The following COLEC12 variants were observed in gnomAD, a reference collection of about 807,000 sequenced individuals.
COLEC12 encodes the protein collectin subfamily member 12.
A neutral mutation model predicts 71.1 loss-of-function variants in COLEC12; 33 were observed. The ratio of observed to expected loss-of-function variants is 0.46; its 90% CI spans 0.35 to 0.62. The LOEUF (loss-of-function observed/expected upper bound fraction) is 0.62. Ranked by LOEUF, COLEC12 falls within the 20% of genes least tolerant of loss-of-function variation. The probability of loss-of-function intolerance (pLI) is 0.00; values close to 1 mark genes in which losing one functional copy is unlikely to be tolerated. For synonymous variants in COLEC12, 350 were observed against 353.0 expected (o/e 0.99, Z 0.10); for missense variants, 765 against 916.1 (o/e 0.84, Z 2.13).
intron 2 of COLEC12, among the ~76,000 whole-genome samples, chr18:378,485 C>A (rs1369163565): frequency 2.6e-5 from 4 of 152,166 alleles, no homozygotes; most frequent in African/African-American, 9.7e-5. Flanking sequence ...ATGCAATTGG[C>A]ACGGGTTTTT....
At chr18:445,395 T>C (rs938295264) in intron 2 of COLEC12, among the ~76,000 whole-genome samples, 10 of 152,216 alleles carry the variant, frequency 6.6e-5, no homozygotes, top group African/African-American at 2.2e-4. Flanking sequence ...TGCCAAATTA[T>C]GAAATTCTGA....
chr18:357,163 T>A (rs1213066330), intron 3 of COLEC12, among the ~76,000 whole-genome samples: 1 of 152,192 alleles, frequency 6.6e-6, no homozygotes, highest in Admixed American at 6.5e-5. Context: ...AAAAACTTTA[T>A]AACTCTCAGA....
intron 2 of COLEC12, among the ~76,000 whole-genome samples, chr18:402,444 C>A (rs536352999): frequency 2.6e-5 from 4 of 152,084 alleles, no homozygotes; most frequent in Admixed American, 6.5e-5. Context: ...CTCAGCACCA[C>A]GCCCTAGCAG....
chr18:467,925 A>C (rs1917118072), intron 2 of COLEC12, among the ~76,000 whole-genome samples: 1 of 152,068 alleles, frequency 6.6e-6, no homozygotes, highest in Non-Finnish European at 1.5e-5. Flanking sequence ...GATACAAAAT[A>C]TTTATTTTGA....
intron 2 of COLEC12, among the ~76,000 whole-genome samples, chr18:477,513 C>A (rs377371781): frequency 1.3e-5 from 2 of 152,288 alleles, no homozygotes; most frequent in South Asian, 4.1e-4. Context: ...ACAATGTTAC[C>A]GTCTTTAGAA....
At chr18:354,170 A>G (rs1253169504) in intron 3 of COLEC12, among the ~76,000 whole-genome samples, 1 of 152,220 alleles carries the variant, frequency 6.6e-6, no homozygotes. Flanking sequence ...GACTCCTGCT[A>G]TGGAAGCTCT....
chr18:461,427 C>G (rs1916981178), intron 2 of COLEC12, among the ~76,000 whole-genome samples: 1 of 152,180 alleles, frequency 6.6e-6, no homozygotes, highest in African/African-American at 2.4e-5. Context: ...TGCTCTGTCG[C>G]TCAGGCTGGA....
chr18:375,527 C>T (rs1043625721), intron 2 of COLEC12, among the ~76,000 whole-genome samples: 7 of 152,120 alleles, frequency 4.6e-5, no homozygotes, highest in African/African-American at 1.7e-4. Flanking sequence ...CATTATGTTG[C>T]CCAGGCTGGA....
rs545823385 is a variant in COLEC12 at position 425,554 on chromosome 18, C to T, written c.58+55153G>A. Among the ~76,000 whole-genome samples, 38 of 152,260 alleles carry T rather than the reference C, an allele frequency of 2.5e-4. No homozygotes were observed. In the South Asian group the frequency reaches 6.8e-3, roughly 27 times the overall value. On this transcript the variant is annotated intron_variant, in intron 2 of 9. Coordinates refer to ENST00000400256, the MANE Select transcript of COLEC12 (RefSeq NM_130386.3). ...AAATGAGTCTCTTTGTACATGATCA[C>T]CAGGAGAGACTCTGGGATGACAGCG...
At position 318,097 on chromosome 18, in the gene COLEC12, CT is replaced by C. The variant is rs1913591900; in HGVS notation, c.*1947del. The C allele has an allele frequency of 2.1e-4, 4 of 19,332 alleles. No homozygotes were observed. The Admixed American group carries it at 3.8e-3, about 19-fold the overall frequency. 1.2% of individuals were successfully genotyped at this position (19,332 alleles called of 1,614,324 possible). On this transcript the variant is annotated 3_prime_UTR_variant, in exon 10 of 10. Transcript: ENST00000400256. ...GTTCACGCCATTCTCCTGCCTCAGC[CT>C]CCCGAGTAGCTGGGACTACAGGCGC...
intron 2 of COLEC12, among the ~76,000 whole-genome samples, chr18:476,111 C>T (rs1239738530): frequency 6.6e-6 from 1 of 152,198 alleles, no homozygotes; most frequent in African/African-American, 2.4e-5. Context: ...CTTCAAAGAA[C>T]ACACTTACTG....
intron 8 of COLEC12, among the ~76,000 whole-genome samples, chr18:325,631 T>TA (rs1913822043): frequency 1.8e-5 from 1 of 56,678 alleles, no homozygotes; most frequent in Non-Finnish European, 4.1e-5. Flanking sequence ...ATCAGCCTTT[T>TA]TTTTTTTTTT....
chr18:397,430 TGATAACAATTATAG>T (rs986350389), intron 2 of COLEC12, among the ~76,000 whole-genome samples: 2 of 152,244 alleles, frequency 1.3e-5, no homozygotes, highest in African/African-American at 4.8e-5. Context: ...GTAAGATATA[TGATAACAATTATAG>T]ATGTAGATTT....
intron 2 of COLEC12, among the ~76,000 whole-genome samples, chr18:448,070 AT>A (rs1598367289): frequency 6.6e-6 from 1 of 152,254 alleles, no homozygotes; most frequent in Non-Finnish European, 1.5e-5. Flanking sequence ...CTGAAAAAAA[AT>A]AATTGTGCTG....
At chr18:441,258 T>C (rs544843030) in intron 2 of COLEC12, among the ~76,000 whole-genome samples, 2 of 151,622 alleles carry the variant, frequency 1.3e-5, no homozygotes, top group East Asian at 3.9e-4. Context: ...AAAAAATAAA[T>C]AAATAAATAA....
At chr18:371,368 T>G (rs1437011653) in intron 2 of COLEC12, among the ~76,000 whole-genome samples, 1 of 152,196 alleles carries the variant, frequency 6.6e-6, no homozygotes, top group African/African-American at 2.4e-5. Flanking sequence ...TCAATCTTCT[T>G]GACTTTGAGC....
At chr18:432,792 A>C (rs1916330465) in intron 2 of COLEC12, among the ~76,000 whole-genome samples, 1 of 152,194 alleles carries the variant, frequency 6.6e-6, no homozygotes, top group African/African-American at 2.4e-5. Context: ...CACAAGCTGC[A>C]ACCCTTCCGG....
intron 2 of COLEC12, among the ~76,000 whole-genome samples, chr18:409,989 T>C (rs961186079): frequency 1.3e-5 from 2 of 152,224 alleles, no homozygotes; most frequent in African/African-American, 4.8e-5. Context: ...TTACTAGCTG[T>C]GTGATCTGGA....
At position 385,416 on chromosome 18, in the gene COLEC12, C is replaced by A. The variant is rs192424511; in HGVS notation, c.59-27894G>T. On this transcript the variant is annotated intron_variant, in intron 2 of 9. Coordinates refer to ENST00000400256, the MANE Select transcript of COLEC12 (RefSeq NM_130386.3). Reference sequence around the variant, plus strand: ...CTCGGCTCACTGCAACCTCCACCTCCCGGGCTCAAGCGATTCTCCTGCCTC... The same window carrying A: ...CTCGGCTCACTGCAACCTCCACCTCACGGGCTCAAGCGATTCTCCTGCCTC... 1.0e-3 allele frequency among the ~76,000 whole-genome samples: 154 copies of A among 150,766 alleles called. 1 individual carries two copies. The highest frequency in any genetic ancestry group is 3.6e-3 in the African/African-American group (148 of 41,030).
Sources: gnomAD v4.1 joint callset for allele counts (sites outside exome capture counted in the v4.1 genomes callset) on GRCh38, gnomAD v4.1.1 for gene constraint, MANE v1.5 for transcripts, NCBI Gene and HGNC (gene_info 2026-07-23, HGNC 2026-07-21) for gene names.